Variants in TNRC6C observed in about 807,000 individuals in gnomAD.
TNRC6C encodes trinucleotide repeat containing adaptor 6C.
In TNRC6C, 20 loss-of-function variants were observed where a neutral mutation model predicts 153.7. The observed-to-expected ratio is 0.13, with a 90% CI of 0.09 to 0.19. The LOEUF is 0.19. Among genes scored for constraint, TNRC6C ranks in the 10% least tolerant of loss-of-function variants. The pLI is 1.00. For missense variants in TNRC6C, 1,987 were observed against 2,172.0 expected (o/e 0.91, Z 1.69); for synonymous variants, 811 against 841.4 (o/e 0.96, Z 0.63).
chr17:78,101,579 G>T (rs1449217648), intron 17 of TNRC6C, among the ~76,000 whole-genome samples: 1 of 151,970 alleles, frequency 6.6e-6, no homozygotes, highest in African/African-American at 2.4e-5. Flanking sequence ...GGAAATCGGG[G>T]GTCTCACAGC....
exon 3 of TNRC6C, chr17:78,051,073 C>T: frequency 6.2e-7 from 1 of 1,605,786 alleles, no homozygotes; most frequent in Non-Finnish European, 8.5e-7. Flanking sequence ...GGCTAGCAAA[C>T]CCCAAGACAA....
intron 1 of TNRC6C, among the ~76,000 whole-genome samples, chr17:77,989,419 T>C: frequency 6.6e-6 from 1 of 152,230 alleles, no homozygotes; most frequent in Non-Finnish European, 1.5e-5. Context: ...CTGGAAACTC[T>C]GAAAAGCAAC....
chr17:78,056,113 G>A (rs985277716), intron 3 of TNRC6C, among the ~76,000 whole-genome samples: 1 of 151,442 alleles, frequency 6.6e-6, no homozygotes, highest in East Asian at 1.9e-4. Flanking sequence ...GCCTCCCAAA[G>A]TGTTGGGATC....
In TNRC6C at chr17:78,047,382, G is replaced by A. The variant is rs907037102; in HGVS notation, c.-218-1463G>A. Among the ~76,000 whole-genome samples the A allele has an allele frequency of 6.6e-5, 10 of 152,272 alleles. No homozygotes were observed. In the East Asian group the frequency reaches 1.9e-3, roughly 29 times the overall value. On this transcript the variant is annotated intron_variant, in intron 2 of 19. Transcript: ENST00000301624. ...GCAGTTTCAACATTTAAAGTTTTCT[G>A]TTGCCTGTCTTCATTTTTCCTTTGT...
At chr17:78,027,745 G>A (rs2071970746) in intron 1 of TNRC6C, among the ~76,000 whole-genome samples, 1 of 152,150 alleles carries the variant, frequency 6.6e-6, no homozygotes, top group South Asian at 2.1e-4. Context: ...GCACTGACAT[G>A]GCATCATAAG....
At chr17:78,105,112 GA>G (rs1463870396) in exon 20 of TNRC6C, 3 of 351,818 alleles carry the variant, frequency 8.5e-6, no homozygotes, top group African/African-American at 4.5e-5. Context: ...TTGTCATTTT[GA>G]TTTTTTTTTT....
At chr17:77,958,189 G>A (rs2070824540), upstream of TNRC6C, among the ~76,000 whole-genome samples, 1 of 152,018 alleles carries the variant, frequency 6.6e-6, no homozygotes, top group Admixed American at 6.5e-5. Context: ...CGCAATTACA[G>A]CATAAAGCCC....
At chr17:77,980,094 C>T (rs1439425818) in intron 1 of TNRC6C, among the ~76,000 whole-genome samples, 1 of 152,154 alleles carries the variant, frequency 6.6e-6, no homozygotes, top group Non-Finnish European at 1.5e-5. Flanking sequence ...GGAAAATTAT[C>T]CCAGCTGGAA....
intron 1 of TNRC6C, among the ~76,000 whole-genome samples, chr17:78,006,501 C>CTTCT (rs2071503310): frequency 3.7e-5 from 1 of 27,254 alleles, no homozygotes; most frequent in Non-Finnish European, 8.2e-5. Flanking sequence ...CTTTCTTCTT[C>CTTCT]TTCTTCTTCT....
chr17:78,054,927 C>T (rs1449764741), intron 3 of TNRC6C, among the ~76,000 whole-genome samples: 1 of 151,840 alleles, frequency 6.6e-6, no homozygotes, highest in African/African-American at 2.4e-5. Flanking sequence ...TGCTACCATA[C>T]ACCACTGCGG....
intron 1 of TNRC6C, among the ~76,000 whole-genome samples, chr17:78,014,185 G>A (rs370345459): frequency 6.6e-6 from 1 of 152,162 alleles, no homozygotes; most frequent in Non-Finnish European, 1.5e-5. Context: ...TTTAGGATTT[G>A]CCATTTGTTC....
rs145809468 is a variant in TNRC6C at position 77,977,232 on chromosome 17, G to A, written c.-38+17964G>A. 2.0e-5 allele frequency among the ~76,000 whole-genome samples: 3 copies of A among 152,058 alleles called. No homozygotes were observed. The East Asian group carries it at 5.8e-4, about 29-fold the overall frequency. ...GCTGTGTGTATTGATTTATACATATGTATTTAGTAAATATAGCTTGATTAA... is the reference window on the plus strand; with the variant it reads ...GCTGTGTGTATTGATTTATACATATATATTTAGTAAATATAGCTTGATTAA... On this transcript the variant is annotated intron_variant, in intron 1 of 22. Coordinates refer to the TNRC6C transcript ENST00000636222.
chr17:78,086,528 A>G, exon 12 of TNRC6C: 1 of 1,614,000 alleles, frequency 6.2e-7, no homozygotes, highest in Non-Finnish European at 8.5e-7. Flanking sequence ...CAAATCCAGC[A>G]GCAGATGTTA....
intron 1 of TNRC6C, among the ~76,000 whole-genome samples, chr17:77,972,716 A>T (rs764259651): frequency 6.6e-6 from 1 of 152,202 alleles, no homozygotes; most frequent in Non-Finnish European, 1.5e-5. Flanking sequence ...TAGTAATTTA[A>T]AATCTTCTCA....
In TNRC6C at chr17:78,070,396, A is replaced by AT. The variant is rs1406599364; in HGVS notation, c.2779-682dup. 5.9e-5 allele frequency among the ~76,000 whole-genome samples: 9 copies of AT among 152,228 alleles called. No individual in the cohort carries two copies. In the East Asian group the frequency reaches 1.5e-3, roughly 26 times the overall value. ...CTATGAAGAATATTTTTGGAAGGGA[A>AT]TTTTTTTCATATTGTAATAATGCAT... On this transcript the variant is annotated intron_variant, in intron 5 of 19. Transcript: ENST00000301624.
At chr17:78,107,136 C>T (rs778043052) in exon 20 of TNRC6C, 3 of 152,108 alleles carry the variant, frequency 2.0e-5, no homozygotes, top group Non-Finnish European at 4.4e-5. Context: ...TATGTGCGTC[C>T]GACATACCAC....
At chr17:78,107,291 T>G (rs1349796216) in exon 20 of TNRC6C, 2 of 152,190 alleles carry the variant, frequency 1.3e-5, no homozygotes, top group Non-Finnish European at 1.5e-5. Context: ...TTTTTTACCT[T>G]TTATTTTGAA....
chr17:78,034,696 G>T (rs1286117531), intron 2 of TNRC6C, among the ~76,000 whole-genome samples: 1 of 152,186 alleles, frequency 6.6e-6, no homozygotes, highest in African/African-American at 2.4e-5. Flanking sequence ...GAGGTCGGGC[G>T]TGGTGGCTGA....
At chr17:78,038,431 T>C (rs372519837) in intron 2 of TNRC6C, among the ~76,000 whole-genome samples, 20 of 152,004 alleles carry the variant, frequency 1.3e-4, no homozygotes, top group African/African-American at 4.6e-4. Context: ...CCCAGCACTT[T>C]GGGAGGCCGA....
Sources: allele counts gnomAD v4.1 joint callset (sites outside exome capture counted in the v4.1 genomes callset), GRCh38; gene constraint gnomAD v4.1.1; transcripts MANE v1.5; gene names NCBI Gene and HGNC (gene_info 2026-07-23, HGNC 2026-07-21).